The following STX8 variants were observed in gnomAD, a reference collection of about 807,000 sequenced individuals.
STX8 encodes syntaxin-8.
Under a neutral mutation model 37.5 loss-of-function variants are expected in STX8, and 23 were observed. That is an observed-to-expected ratio of 0.61 (90% CI 0.44 to 0.87). STX8 has a LOEUF of 0.87. Among genes scored for constraint, STX8 ranks in the 40% least tolerant of loss-of-function variants. STX8 has a pLI of 0.00. For missense variants in STX8, 313 were observed against 284.7 expected (o/e 1.10, Z -0.71); for synonymous variants, 115 against 99.1 (o/e 1.16, Z -0.95).
At chr17:9,447,340 C>A (rs1904885838) in intron 6 of STX8, among the ~76,000 whole-genome samples, 2 of 152,152 alleles carry the variant, frequency 1.3e-5, no homozygotes, top group Admixed American at 1.3e-4. Context: ...GAATGGTGCA[C>A]AAGAGTTTTT....
intron 7 of STX8, among the ~76,000 whole-genome samples, chr17:9,348,754 G>C (rs1910610272): frequency 6.6e-6 from 1 of 152,134 alleles, no homozygotes; most frequent in Admixed American, 6.5e-5. Flanking sequence ...AAACTGTAAG[G>C]ACTCAAGTTC....
At chr17:9,534,744 C>A (rs1046175061) in intron 4 of STX8, among the ~76,000 whole-genome samples, 1 of 151,844 alleles carries the variant, frequency 6.6e-6, no homozygotes, top group African/African-American at 2.4e-5. Flanking sequence ...GCCGAGATTG[C>A]GCCACTGCAC....
At chr17:9,447,036 G>A (rs1473742660) in intron 6 of STX8, among the ~76,000 whole-genome samples, 2 of 152,074 alleles carry the variant, frequency 1.3e-5, no homozygotes, top group Non-Finnish European at 1.5e-5. Flanking sequence ...GTTCCCTACT[G>A]CATAGAATAC....
intron 7 of STX8, among the ~76,000 whole-genome samples, chr17:9,254,580 G>C (rs1906716659): frequency 6.6e-6 from 1 of 152,072 alleles, no homozygotes; most frequent in Non-Finnish European, 1.5e-5. Context: ...ATTTTTAGTA[G>C]AGACAGGGTT....
intron 6 of STX8, among the ~76,000 whole-genome samples, chr17:9,403,793 T>C (rs146507157): frequency 1.0e-3 from 156 of 151,618 alleles, no homozygotes; most frequent in Admixed American, 1.6e-3. Context: ...AGTACAGGAG[T>C]CTGCAACCAC....
chr17:9,555,131 C>A (rs888749197), intron 3 of STX8: 13 of 151,958 alleles, frequency 8.6e-5, no homozygotes, highest in Non-Finnish European at 1.8e-4. Context: ...CATTAAGACC[C>A]CTAAATATTT....
At chr17:9,429,127 AAC>A (rs1387260423) in intron 6 of STX8, among the ~76,000 whole-genome samples, 1 of 151,862 alleles carries the variant, frequency 6.6e-6, no homozygotes, top group Non-Finnish European at 1.5e-5. Context: ...GGGTTTTTAA[AAC>A]AGTTTTATTG....
At chr17:9,425,221 C>T (rs1214885015) in intron 6 of STX8, among the ~76,000 whole-genome samples, 1 of 152,186 alleles carries the variant, frequency 6.6e-6, no homozygotes, top group Admixed American at 6.5e-5. Context: ...TATCACCCAA[C>T]ACTGTACAGA....
intron 6 of STX8, among the ~76,000 whole-genome samples, chr17:9,455,370 C>T (rs895560427): frequency 2.6e-5 from 4 of 152,008 alleles, no homozygotes; most frequent in East Asian, 3.9e-4. Flanking sequence ...CATGGTGGCA[C>T]GCGCCTGTAA....
At chr17:9,368,983 C>T (rs1464889897) in intron 7 of STX8, among the ~76,000 whole-genome samples, 2 of 151,054 alleles carry the variant, frequency 1.3e-5, no homozygotes, top group African/African-American at 2.4e-5. Flanking sequence ...TGCAGTGGCA[C>T]AATCATAGCT....
chr17:9,324,846 A>G (rs929999373), intron 7 of STX8, among the ~76,000 whole-genome samples: 1 of 151,954 alleles, frequency 6.6e-6, no homozygotes, highest in Non-Finnish European at 1.5e-5. Context: ...TGCTCTGACT[A>G]TAACAGGGAT....
At chr17:9,274,715 A>AATAATAAT (rs1555586560) in intron 7 of STX8, among the ~76,000 whole-genome samples, 2,954 of 101,434 alleles carry the variant, frequency 0.029, 130 homozygotes, top group East Asian at 0.052. Flanking sequence ...TAATAATAAT[A>AATAATAAT]AACAAAGTCT....
chr17:9,278,248 A>G (rs1907746693), intron 7 of STX8, among the ~76,000 whole-genome samples: 2 of 152,176 alleles, frequency 1.3e-5, no homozygotes, highest in Admixed American at 6.5e-5. Context: ...GCGAGTTTGA[A>G]ACCAGCCTGA....
At chr17:9,301,495 A>G (rs1171007852) in intron 7 of STX8, among the ~76,000 whole-genome samples, 1 of 150,216 alleles carries the variant, frequency 6.7e-6, no homozygotes, top group Non-Finnish European at 1.5e-5. Context: ...ATTTATATTT[A>G]TTTTTGAGAT....
At chr17:9,461,996 G>A (rs942387839) in intron 6 of STX8, among the ~76,000 whole-genome samples, 1 of 152,102 alleles carries the variant, frequency 6.6e-6, no homozygotes, top group Non-Finnish European at 1.5e-5. Context: ...AGGAGGCGGA[G>A]CTCAGGCGGT....
chr17:9,503,768 T>C (rs900714001), intron 5 of STX8, among the ~76,000 whole-genome samples: 2 of 152,204 alleles, frequency 1.3e-5, no homozygotes, highest in Non-Finnish European at 2.9e-5. Context: ...TGGTTTTTTC[T>C]TTTTTTTCCT....
In STX8 at chr17:9,552,294, A is replaced by G. The variant is rs1292836035; in HGVS notation, c.212+5140T>C. Among the ~76,000 whole-genome samples, 2 of 152,182 alleles carry G rather than the reference A, an allele frequency of 1.3e-5. 1 individual carries two copies. Among genetic ancestry groups the G allele is most frequent in the Admixed American group, 1.3e-4 (2 of 15,274 alleles). ...GAATTTGAGGCTGCACTGAGCTAGG[A>G]TTTTGCCACTGCCCCCCATCCTAGG... On this transcript the variant is annotated intron_variant, in intron 3 of 7. Coordinates refer to ENST00000306357, the MANE Select transcript of STX8 (RefSeq NM_004853.3).
At position 9,446,027 on chromosome 17, in the gene STX8, G is replaced by A. The variant is rs565257869; in HGVS notation, c.541+45802C>T. On this transcript the variant is annotated intron_variant, in intron 6 of 7. Transcript: ENST00000306357. ...ATTTTTTTGTATTTTTAGTAGAGACGGGGTTTCACCATGTTAGCCAGGATG... is the reference window on the plus strand; with the variant it reads ...ATTTTTTTGTATTTTTAGTAGAGACAGGGTTTCACCATGTTAGCCAGGATG... 7.2e-5 allele frequency among the ~76,000 whole-genome samples: 11 copies of A among 151,934 alleles called. No individual in the cohort carries two copies. In the South Asian group the frequency reaches 1.7e-3, roughly 23 times the overall value.
intron 5 of STX8, among the ~76,000 whole-genome samples, chr17:9,495,649 C>A (rs1211969034): frequency 1.3e-5 from 2 of 152,096 alleles, no homozygotes; most frequent in Non-Finnish European, 2.9e-5. Context: ...AGTTCTGTTC[C>A]CCTCTAATAA....
Sources: gnomAD v4.1 joint callset for allele counts (sites outside exome capture counted in the v4.1 genomes callset) on GRCh38, gnomAD v4.1.1 for gene constraint, MANE v1.5 for transcripts, NCBI Gene and HGNC (gene_info 2026-07-23, HGNC 2026-07-21) for gene names.